KCNA2: variants seen among roughly 807,000 people sequenced by gnomAD.
KCNA2 encodes potassium voltage-gated channel subfamily A member 2.
In KCNA2, 11 loss-of-function variants were observed where a neutral mutation model predicts 33.4. The ratio of observed to expected loss-of-function variants is 0.33; its 90% CI spans 0.21 to 0.55. KCNA2 has a LOEUF of 0.55. KCNA2 is among the 20% of genes least tolerant of loss of function. The pLI is 0.93. For missense variants in KCNA2, 291 were observed against 621.6 expected, an observed-to-expected ratio of 0.47 and a Z score of 5.66; for synonymous variants, 222 against 231.3, an observed-to-expected ratio of 0.96 and a Z score of 0.37.
In KCNA2 at chr1:110,601,794, A is replaced by ACG; in HGVS notation, c.*1488_*1489insCG. 1 of 752,800 alleles carries ACG rather than the reference A, an allele frequency of 1.3e-6. No homozygotes were observed. Among genetic ancestry groups the ACG allele is most frequent in the East Asian group, 5.6e-5 (1 of 17,888 alleles). The allele number at this position is 752,800 out of a possible 1,614,324, so 46.6% of individuals were successfully genotyped here. On this transcript the variant is annotated 3_prime_UTR_variant, in exon 3 of 3. Transcript: ENST00000316361. Reference sequence around the variant, plus strand: ...AGAAAATGAATATATATATATATATATGTGTGTGTGTGTGTGTGTGTGTGT... The same window carrying ACG: ...AGAAAATGAATATATATATATATATACGTGTGTGTGTGTGTGTGTGTGTGTGT...
At position 110,600,630 on chromosome 1, in the gene KCNA2, C is replaced by T. The variant is rs556284224; in HGVS notation, c.*2653G>A. 11 of 985,326 alleles carry T rather than the reference C, an allele frequency of 1.1e-5. No homozygotes were observed. The Admixed American group carries it at 6.8e-4, about 61-fold the overall frequency. The allele number at this position is 985,326 out of a possible 1,614,324, so 61.0% of individuals were successfully genotyped here. ...TGACTGTATGTGAACATTTTAGAGT[C>T]CTGGGCCAAGGACACTGTGATAAGA... is the stretch of plus-strand genomic sequence containing the variant. On this transcript the variant is annotated 3_prime_UTR_variant, in exon 3 of 3. Coordinates refer to ENST00000316361, the MANE Select transcript of KCNA2 (RefSeq NM_004974.4).
rs1239492626 is a variant in KCNA2, at chr1:110,603,245, T to C, written c.*38A>G. 3 of 1,562,726 alleles carry C rather than the reference T, an allele frequency of 1.9e-6. No individual in the cohort carries two copies. The highest frequency in any genetic ancestry group is 1.7e-6 in the Non-Finnish European group (2 of 1,155,774). On this transcript the variant is annotated 3_prime_UTR_variant, in exon 3 of 3. Coordinates refer to ENST00000316361, the MANE Select transcript of KCNA2 (RefSeq NM_004974.4). This position sits in a 1 kb window ranked among gnomAD's most constrained non-coding sequence, Gnocchi z 5.7. ...GCAGGCTATTATGCAACATCTGCAT[T>C]AGTTCCATTGAGCTGTGAGTACGGT... is the stretch of plus-strand genomic sequence containing the variant.
chr1:110,627,700 A>G (rs1158394464), intron 1 of KCNA2, among the ~76,000 whole-genome samples: 2 of 152,174 alleles, frequency 1.3e-5, no homozygotes, highest in African/African-American at 4.8e-5. Context: ...AAATAAAACA[A>G]GAGACATCTA....
At chr1:110,625,186 G>C (rs1283495147) in intron 1 of KCNA2, among the ~76,000 whole-genome samples, 1 of 152,200 alleles carries the variant, frequency 6.6e-6, no homozygotes, top group Non-Finnish European at 1.5e-5. Flanking sequence ...TCCCAGAGCA[G>C]TGTAAATACA....
intron 1 of KCNA2, among the ~76,000 whole-genome samples, chr1:110,618,965 T>G (rs1032039811): frequency 1.3e-5 from 2 of 152,230 alleles, no homozygotes; most frequent in African/African-American, 4.8e-5. Flanking sequence ...CAGAGTGATT[T>G]TATAAACAAC....
intron 2 of KCNA2, among the ~76,000 whole-genome samples, chr1:110,605,187 C>A (rs1414438230): frequency 3.3e-5 from 5 of 152,128 alleles, no homozygotes; most frequent in Non-Finnish European, 7.4e-5. Flanking sequence ...GGTACAGGCC[C>A]GCTTGTAGCA....
chr1:110,615,303 T>TA (rs1006181008), intron 1 of KCNA2, among the ~76,000 whole-genome samples: 2 of 152,162 alleles, frequency 1.3e-5, no homozygotes, highest in Admixed American at 6.5e-5. Context: ...AACAGTTGGA[T>TA]AAAAAAACGT....
In KCNA2 at chr1:110,595,446, C is replaced by T. The variant is rs1001953088; in HGVS notation, c.*7837G>A. ...CCTGATCACAACTAACATAGCCAGACTGGAGGGCTTCTGTGGGTGTGGGGA... is the reference window on the plus strand; with the variant it reads ...CCTGATCACAACTAACATAGCCAGATTGGAGGGCTTCTGTGGGTGTGGGGA... On this transcript the variant is annotated 3_prime_UTR_variant, in exon 3 of 3. Coordinates refer to ENST00000316361, the MANE Select transcript of KCNA2 (RefSeq NM_004974.4). 9.1e-6 allele frequency: 9 copies of T among 985,342 alleles called. No individual in the cohort carries two copies. In the Admixed American group the frequency reaches 3.7e-4, roughly 40 times the overall value. The allele number at this position is 985,342 out of a possible 1,614,324, so 61.0% of individuals were successfully genotyped here.
chr1:110,594,083 T>C lies in KCNA2; in HGVS notation c.*9200A>G. 1 of 1,434,444 alleles carries C rather than the reference T, an allele frequency of 7.0e-7. No homozygotes were observed. The highest frequency in any genetic ancestry group is 1.6e-5 in the South Asian group (1 of 64,438). 88.9% of individuals were successfully genotyped at this position (1,434,444 alleles called of 1,614,324 possible). A position where few individuals can be genotyped will look rare whatever the true frequency, so the allele number is the denominator to read the frequency against. ...TTTCGGCATCATCCTTACGAAGCTT[T>C]ACCATCAGCCTTGGAGTTCCTTCTG... On this transcript the variant is annotated 3_prime_UTR_variant, in exon 3 of 3. Coordinates refer to ENST00000316361, the MANE Select transcript of KCNA2 (RefSeq NM_004974.4).
At chr1:110,609,994 C>T (rs149880310), upstream of KCNA2, among the ~76,000 whole-genome samples, 1 of 152,210 alleles carries the variant, frequency 6.6e-6, no homozygotes, top group African/African-American at 2.4e-5. Context: ...AATGGACAGC[C>T]AGCTAACTTA....
chr1:110,601,141 C>T lies in KCNA2; in HGVS notation c.*2142G>A, dbSNP rs1649325807. 2.0e-6 allele frequency: 2 copies of T among 985,260 alleles called. No homozygotes were observed. The highest frequency in any genetic ancestry group is 2.4e-6 in the Non-Finnish European group (2 of 829,968). 61.0% of individuals were successfully genotyped at this position (985,260 alleles called of 1,614,324 possible). ...TGGGGGGTGGGAAATGATTCTTTAC[C>T]CATCCTTTGGTTCTTTTTAAAAAGC... On this transcript the variant is annotated 3_prime_UTR_variant, in exon 3 of 3. Coordinates refer to ENST00000316361, the MANE Select transcript of KCNA2 (RefSeq NM_004974.4).
In KCNA2 at chr1:110,595,716, A is replaced by G; in HGVS notation, c.*7567T>C. 1.0e-6 allele frequency: 1 copy of G among 985,420 alleles called. No homozygotes were observed. Among genetic ancestry groups the G allele is most frequent in the Non-Finnish European group, 1.2e-6 (1 of 829,918 alleles). 61.0% of individuals were successfully genotyped at this position (985,420 alleles called of 1,614,324 possible). A position where few individuals can be genotyped will look rare whatever the true frequency, so the allele number is the denominator to read the frequency against. ...GAGGCAACTGAATTTCAGCTGCTCT[A>G]ATACCCACACCCTCAACTTAGGTTT... is the stretch of plus-strand genomic sequence containing the variant. On this transcript the variant is annotated 3_prime_UTR_variant, in exon 3 of 3. Transcript: ENST00000316361.
chr1:110,628,355 A>G (rs1229941097), intron 1 of KCNA2, among the ~76,000 whole-genome samples: 3 of 152,328 alleles, frequency 2.0e-5, no homozygotes, highest in African/African-American at 7.2e-5. Context: ...CCCTTCTTCC[A>G]TGATCGCCCT....
rs1649315510 is a variant in KCNA2 at position 110,600,987 on chromosome 1, T to G, written c.*2296A>C. The G allele has an allele frequency of 1.0e-6, 1 of 985,372 alleles. No individual in the cohort carries two copies. Among genetic ancestry groups the G allele is most frequent in the African/African-American group, 1.7e-5 (1 of 57,230 alleles). 61.0% of individuals were successfully genotyped at this position (985,372 alleles called of 1,614,324 possible). On this transcript the variant is annotated 3_prime_UTR_variant, in exon 3 of 3. Coordinates refer to ENST00000316361, the MANE Select transcript of KCNA2 (RefSeq NM_004974.4). ...CCTGCAATTCACTGTTTGGGAAAAT[T>G]AAGCTACTCCGTCAAAAGGCAAAGA... is the stretch of plus-strand genomic sequence containing the variant.
At chr1:110,626,811 C>T (rs1650403784) in intron 1 of KCNA2, among the ~76,000 whole-genome samples, 1 of 152,208 alleles carries the variant, frequency 6.6e-6, no homozygotes, top group Admixed American at 6.5e-5. Flanking sequence ...TCCGTGACAA[C>T]ACCATGTGCT....
chr1:110,610,677 G>A (rs1396418370), upstream of KCNA2, among the ~76,000 whole-genome samples: 1 of 152,214 alleles, frequency 6.6e-6, no homozygotes, highest in Non-Finnish European at 1.5e-5. Context: ...TTAGCTCAGT[G>A]CCAGGCCTCT....
Position 110,595,945 on chromosome 1 carries a change from C to G in KCNA2, c.*7338G>C, listed in dbSNP as rs781658959. The G allele has an allele frequency of 1.0e-6, 1 of 985,276 alleles. No homozygotes were observed. Among genetic ancestry groups the G allele is most frequent in the Non-Finnish European group, 1.2e-6 (1 of 829,926 alleles). The allele number at this position is 985,276 out of a possible 1,614,324, so 61.0% of individuals were successfully genotyped here. On this transcript the variant is annotated 3_prime_UTR_variant, in exon 3 of 3. Coordinates refer to ENST00000316361, the MANE Select transcript of KCNA2 (RefSeq NM_004974.4). ...AGGTCTTCAAGCTTTCCACTCCCCT[C>G]GAGTACAAAGTTTGGAATAACTTTT... is the stretch of plus-strand genomic sequence containing the variant.
chr1:110,594,230 T>C lies in KCNA2; in HGVS notation c.*9053A>G. On this transcript the variant is annotated 3_prime_UTR_variant, in exon 3 of 3. Transcript: ENST00000316361. The stretch of plus-strand genomic sequence containing the variant: ...GCAGCAAGGAAGCCAGTGCAAACCC[T>C]AACTGGAGTCTGTGCTGCATGAGCC... 1 of 1,099,152 alleles carries C rather than the reference T, an allele frequency of 9.1e-7. No individual in the cohort carries two copies. The highest frequency in any genetic ancestry group is 1.1e-6 in the Non-Finnish European group (1 of 902,594). 68.1% of individuals were successfully genotyped at this position (1,099,152 alleles called of 1,614,324 possible).
At chr1:110,627,840 A>AAAT (rs1270061918) in intron 1 of KCNA2, among the ~76,000 whole-genome samples, 6 of 152,166 alleles carry the variant, frequency 3.9e-5, no homozygotes, top group Middle Eastern at 3.4e-3. Context: ...AAAAAAAAAA[A>AAAT]AATAATAATA....
Sources: gnomAD v4.1 joint callset for allele counts (sites outside exome capture counted in the v4.1 genomes callset) on GRCh38, gnomAD v4.1.1 for gene constraint, Gnocchi (gnomAD v3.1) non-coding constraint, MANE v1.5 for transcripts, NCBI Gene and HGNC (gene_info 2026-07-23, HGNC 2026-07-21) for gene names.